EVA1C: variants seen among roughly 807,000 people sequenced by gnomAD.
The protein encoded by EVA1C is protein eva-1 homolog C.
In EVA1C, 25 loss-of-function variants were observed where a neutral mutation model predicts 45.4. The ratio of observed to expected loss-of-function variants is 0.55; its 90% CI spans 0.40 to 0.77. The LOEUF (loss-of-function observed/expected upper bound fraction) is 0.77. Among genes scored for constraint, EVA1C ranks in the 30% least tolerant of loss-of-function variants. EVA1C has a pLI of 0.00. For missense variants in EVA1C, 479 were observed against 554.8 expected, an observed-to-expected ratio of 0.86 and a Z score of 1.37; for synonymous variants, 190 against 221.2, an observed-to-expected ratio of 0.86 and a Z score of 1.25.
chr21:32,475,340 TATCATC>T (rs61177845), intron 4 of EVA1C, among the ~76,000 whole-genome samples: 41 of 150,936 alleles, frequency 2.7e-4, no homozygotes, highest in South Asian at 8.4e-4. Flanking sequence ...TCTTCTAAAA[TATCATC>T]ATCATCATCA....
rs568740531 is a variant in EVA1C at position 32,504,547 on chromosome 21, C to T, written c.949+532C>T. ...AGAGCCAGAAGGCTTATACCAAGGC[C>T]GGCCACACCGCGGGGACCTCTTCAT... On this transcript the variant is annotated intron_variant, in intron 7 of 7. Coordinates refer to ENST00000300255, the MANE Select transcript of EVA1C (RefSeq NM_058187.5). Among the ~76,000 whole-genome samples, 682 of 152,226 alleles carry T rather than the reference C, an allele frequency of 4.5e-3. 4 individuals are homozygous for T. Among genetic ancestry groups the T allele is most frequent in the African/African-American group, 0.016 (662 of 41,532 alleles).
chr21:32,469,823 G>T (rs1039515593), intron 4 of EVA1C, among the ~76,000 whole-genome samples: 1 of 152,198 alleles, frequency 6.6e-6, no homozygotes, highest in East Asian at 1.9e-4. Context: ...CATCTGATGA[G>T]ATGAGGCCCA....
rs114922023 is a variant in EVA1C at position 32,470,133 on chromosome 21, A to G, written c.634+2285A>G. On this transcript the variant is annotated intron_variant, in intron 4 of 7. Coordinates refer to ENST00000300255, the MANE Select transcript of EVA1C (RefSeq NM_058187.5). ...TTAATATGTTAAATTGCTACAATGT[A>G]TGTGTGGATCGCAGGTGAAATTCAA... Among the ~76,000 whole-genome samples, 1,490 of 152,330 alleles carry G rather than the reference A, an allele frequency of 9.8e-3. 25 individuals carry two copies. Among genetic ancestry groups the G allele is most frequent in the African/African-American group, 0.034 (1,426 of 41,572 alleles).
chr21:32,429,030 T>G lies in EVA1C; in HGVS notation c.160+16017T>G, dbSNP rs776974378. Among the ~76,000 whole-genome samples the G allele has an allele frequency of 7.5e-4, 109 of 145,764 alleles. 1 individual carries two copies. The highest frequency in any genetic ancestry group is 4.8e-3 in the Admixed American group (72 of 15,098). On this transcript the variant is annotated intron_variant, in intron 1 of 7. Coordinates refer to ENST00000300255, the MANE Select transcript of EVA1C (RefSeq NM_058187.5). ...AATTTATTTTTATTTATTTATTTATTTATTTTTTGAGACAGGGTCTCGCTC... is the reference window on the plus strand; with the variant it reads ...AATTTATTTTTATTTATTTATTTATGTATTTTTTGAGACAGGGTCTCGCTC...
intron 4 of EVA1C, among the ~76,000 whole-genome samples, chr21:32,476,379 C>T (rs930450676): frequency 6.6e-5 from 10 of 152,056 alleles, no homozygotes; most frequent in Middle Eastern, 3.2e-3. Context: ...TGGTGGCTCA[C>T]GACTGGAATC....
chr21:32,506,965 C>G (rs1014208044), intron 7 of EVA1C, among the ~76,000 whole-genome samples: 1 of 152,148 alleles, frequency 6.6e-6, no homozygotes, highest in Non-Finnish European at 1.5e-5. Flanking sequence ...CCAAACCACC[C>G]AAATAGGCGG....
At position 32,495,180 on chromosome 21, in the gene EVA1C, C is replaced by T; in HGVS notation, c.778+10C>T. ...GTGACCTACGCATGTGGTAAGAACA[C>T]ACCCCCGACCAGCTGCCTGATGACA... is the stretch of plus-strand genomic sequence containing the variant. On this transcript the variant is annotated intron_variant, in intron 5 of 7. Transcript: ENST00000300255. The T allele has an allele frequency of 2.5e-6, 4 of 1,612,592 alleles. No homozygotes were observed. The highest frequency in any genetic ancestry group is 1.7e-4 in the Middle Eastern group (1 of 5,896).
chr21:32,480,533 G>A (rs2036742441), intron 4 of EVA1C, among the ~76,000 whole-genome samples: 2 of 152,046 alleles, frequency 1.3e-5, no homozygotes, highest in Non-Finnish European at 2.9e-5. Context: ...AGGTGACAGA[G>A]CCATGGATAG....
chr21:32,489,252 T>C (rs975438238), intron 4 of EVA1C, among the ~76,000 whole-genome samples: 2 of 152,276 alleles, frequency 1.3e-5, no homozygotes, highest in Non-Finnish European at 2.9e-5. Context: ...TAATCCATTT[T>C]GTGTTGATTT....
intron 1 of EVA1C, among the ~76,000 whole-genome samples, chr21:32,447,282 C>T (rs2035398101): frequency 6.6e-6 from 1 of 151,782 alleles, no homozygotes; most frequent in South Asian, 2.1e-4. Context: ...TGAGGCAGAA[C>T]TGCTTGAACC....
chr21:32,471,545 C>T (rs1228432977), intron 4 of EVA1C, among the ~76,000 whole-genome samples: 9 of 152,012 alleles, frequency 5.9e-5, no homozygotes, highest in African/African-American at 1.9e-4. Flanking sequence ...AGGCTGGTCT[C>T]GAACTTCTGA....
upstream of EVA1C, chr21:32,412,524 G>A: frequency 4.1e-6 from 1 of 244,032 alleles, no homozygotes; most frequent in Middle Eastern, 1.3e-3. Context: ...GGATCGGCCT[G>A]GGCAGCCGCG....
chr21:32,473,374 T>A (rs2036445089), intron 4 of EVA1C, among the ~76,000 whole-genome samples: 1 of 152,210 alleles, frequency 6.6e-6, no homozygotes, highest in Non-Finnish European at 1.5e-5. Flanking sequence ...TAGCTGTACA[T>A]GAAGGCTTTA....
Position 32,501,491 on chromosome 21 carries a change from A to G in EVA1C, c.855A>G (p.Glu285=). ...CTTCTTTGAAGCAGAAAGATGGTGA[A>G]TATGGTAATTTTTATGGCTTACTAC... ...LKPSLKQKDG[E]YGINFDPSGS... The change falls in exon 6 of 8, where the codon GAA becomes GAG. Residue 285 remains glutamate, a synonymous_variant. Coordinates refer to ENST00000300255, the MANE Select transcript of EVA1C (RefSeq NM_058187.5). 6.3e-7 allele frequency: 1 copy of G among 1,594,676 alleles called. No homozygotes were observed. Among genetic ancestry groups the G allele is most frequent in the Non-Finnish European group, 8.5e-7 (1 of 1,177,816 alleles).
At chr21:32,456,536 T>G (rs59146202) in intron 2 of EVA1C, among the ~76,000 whole-genome samples, 2,422 of 152,314 alleles carry the variant, frequency 0.016, 59 homozygotes, top group African/African-American at 0.055. Flanking sequence ...GAGACACATC[T>G]GCTGGGCCCC....
At chr21:32,486,760 C>T (rs1297384153) in intron 4 of EVA1C, among the ~76,000 whole-genome samples, 1 of 152,108 alleles carries the variant, frequency 6.6e-6, no homozygotes, top group Non-Finnish European at 1.5e-5. Context: ...GTGCATTACA[C>T]CCCACAGAAC....
intron 4 of EVA1C, 150 bp from the exon 5 acceptor site, chr21:32,494,877 G>A: frequency 6.6e-6 from 5 of 757,878 alleles, no homozygotes; most frequent in Non-Finnish European, 1.0e-5. Context: ...TGCCCATCTT[G>A]GGTGCTTTAA....
intron 1 of EVA1C, among the ~76,000 whole-genome samples, chr21:32,416,326 T>C (rs113701883): frequency 1.3e-4 from 17 of 131,456 alleles, no homozygotes; most frequent in South Asian, 2.4e-4. Flanking sequence ...TTTTTCTTTT[T>C]TTTTTTTTTT....
Position 32,453,574 on chromosome 21 carries a change from G to T in EVA1C, c.357+66G>T, listed in dbSNP as rs573912348. The T allele has an allele frequency of 3.3e-5, 39 of 1,180,512 alleles. No homozygotes were observed. In the East Asian group the frequency reaches 8.6e-4, roughly 26 times the overall value. The allele number at this position is 1,180,512 out of a possible 1,614,324, so 73.1% of individuals were successfully genotyped here. On this transcript the variant is annotated intron_variant, in intron 2 of 7. Transcript: ENST00000300255. ...ACACACACTCTTTCTCTCTCTCTGG[G>T]TATAAATATATTTGTGATTATATAG...
Sources: allele counts gnomAD v4.1 joint callset (sites outside exome capture counted in the v4.1 genomes callset), GRCh38; gene constraint gnomAD v4.1.1; transcripts MANE v1.5; gene names NCBI Gene and HGNC (gene_info 2026-07-23, HGNC 2026-07-21).